The following TYW1 variants were observed in gnomAD, a reference collection of about 807,000 sequenced individuals.
The protein encoded by TYW1 is tRNA-yW synthesizing protein 1 homolog, also known as S-adenosyl-L-methionine-dependent tRNA 4-demethylwyosine synthase TYW1.
In TYW1, 46 loss-of-function variants were observed where a neutral mutation model predicts 96.2. The ratio of observed to expected loss-of-function variants is 0.48; its 90% CI spans 0.38 to 0.61. TYW1 has a LOEUF of 0.61. Among genes scored for constraint, TYW1 ranks in the 20% least tolerant of loss-of-function variants. The pLI is 0.00. For missense variants in TYW1, 684 were observed against 909.6 expected (o/e 0.75, Z 3.19); for synonymous variants, 274 against 323.0 (o/e 0.85, Z 1.63).
Position 67,062,366 on chromosome 7 carries a change from A to G in TYW1, c.1156-4919A>G, listed in dbSNP as rs371222260. 1.5e-3 allele frequency among the ~76,000 whole-genome samples: 231 copies of G among 151,982 alleles called. 5 individuals carry two copies. In the South Asian group the frequency reaches 0.025, roughly 16 times the overall value. On this transcript the variant is annotated intron_variant, in intron 9 of 15. Coordinates refer to ENST00000359626, the MANE Select transcript of TYW1 (RefSeq NM_018264.4). ...GGAGGTTGCAGTGAGCCAAGATTGC[A>G]CCACTGCACTCCAGTCTGGGCAACA...
chr7:67,020,104 G>A (rs2129244137), intron 6 of TYW1, among the ~76,000 whole-genome samples: 1 of 152,412 alleles, frequency 6.6e-6, no homozygotes. Flanking sequence ...CAGCCAGTGT[G>A]GAGGCTCATG....
chr7:67,146,136 A>C (rs1039167138), intron 13 of TYW1, among the ~76,000 whole-genome samples: 53 of 152,208 alleles, frequency 3.5e-4, no homozygotes, highest in African/African-American at 1.1e-3. Context: ...CATAGTTATA[A>C]TCATACTATG....
At chr7:67,114,178 A>G (rs1415692473) in intron 12 of TYW1, 1 of 152,654 alleles carries the variant, frequency 6.6e-6, no homozygotes, top group Non-Finnish European at 1.5e-5. Context: ...GCTTGATCTG[A>G]CAGCCTCAGA....
At chr7:67,229,183 A>T (rs1300620149) in intron 15 of TYW1, among the ~76,000 whole-genome samples, 2 of 152,212 alleles carry the variant, frequency 1.3e-5, no homozygotes, top group African/African-American at 4.8e-5. Context: ...AACAGATAGT[A>T]GGCTTTTCAG....
intron 13 of TYW1, among the ~76,000 whole-genome samples, chr7:67,137,483 A>G (rs1308797744): frequency 6.6e-6 from 1 of 152,168 alleles, no homozygotes; most frequent in East Asian, 1.9e-4. Flanking sequence ...AAGAGAAAAA[A>G]GGAAAATTTG....
intron 13 of TYW1, among the ~76,000 whole-genome samples, chr7:67,122,585 G>A (rs1797791610): frequency 6.6e-6 from 1 of 152,196 alleles, no homozygotes; most frequent in African/African-American, 2.4e-5. Flanking sequence ...TCCACTGGGG[G>A]AGGGCATGCT....
chr7:67,239,337 G>A lies in TYW1; in HGVS notation c.*808G>A, dbSNP rs990886601. On this transcript the variant is annotated 3_prime_UTR_variant, in exon 16 of 16. Transcript: ENST00000359626. ...GCCTCTCATATCATGACCAGACGGC[G>A]GGTCTCCATCTTCTTTCACTCCTGT... The A allele has an allele frequency of 5.1e-6, 5 of 985,338 alleles. No homozygotes were observed. Among genetic ancestry groups the A allele is most frequent in the South Asian group, 4.7e-5 (1 of 21,280 alleles). The allele number at this position is 985,338 out of a possible 1,614,324, so 61.0% of individuals were successfully genotyped here.
In TYW1 at chr7:67,072,963, T is replaced by TTTTTTTTTTG. The variant is rs1219374462; in HGVS notation, c.1274+5561_1274+5562insTTTTTTTTGT. On this transcript the variant is annotated intron_variant, in intron 10 of 15. Transcript: ENST00000359626. ...TTTTTTTTTTTTTTTTTTTTTTTTT[T>TTTTTTTTTTG]TATAGAGACAGGGTCTTGCTATGTT... Among the ~76,000 whole-genome samples the TTTTTTTTTTG allele has an allele frequency of 1.0e-3, 124 of 118,684 alleles. 8 individuals carry two copies. The highest frequency in any genetic ancestry group is 3.9e-3 in the African/African-American group (112 of 29,022). The allele number at this position is 118,684 out of a possible 152,430, so 77.9% of individuals were successfully genotyped here.
intron 9 of TYW1, among the ~76,000 whole-genome samples, chr7:67,059,096 GTTT>G (rs557933957): frequency 5.6e-5 from 7 of 124,590 alleles, no homozygotes; most frequent in Admixed American, 8.5e-5. Flanking sequence ...TGAAGACAAA[GTTT>G]TTTTTTTTTT....
At chr7:67,151,745 C>T (rs185008482) in intron 13 of TYW1, among the ~76,000 whole-genome samples, 197 of 152,080 alleles carry the variant, frequency 1.3e-3, no homozygotes, top group African/African-American at 4.4e-3. Context: ...CCAAATCTGG[C>T]GTGACTTGTT....
chr7:67,063,821 C>A (rs1795775087), intron 9 of TYW1, among the ~76,000 whole-genome samples: 1 of 151,804 alleles, frequency 6.6e-6, no homozygotes, highest in African/African-American at 2.4e-5. Flanking sequence ...CCAGGATGGT[C>A]TTGATCTCCT....
chr7:67,235,183 C>A (rs559744435), intron 15 of TYW1, among the ~76,000 whole-genome samples: 1 of 152,248 alleles, frequency 6.6e-6, no homozygotes, highest in African/African-American at 2.4e-5. Flanking sequence ...ACACTGGGAT[C>A]CCCAAAGAGA....
intron 15 of TYW1, among the ~76,000 whole-genome samples, chr7:67,196,018 A>C (rs1174820792): frequency 6.6e-6 from 1 of 151,888 alleles, no homozygotes; most frequent in Non-Finnish European, 1.5e-5. Context: ...CTCCAATTAA[A>C]CATATGTTAG....
chr7:67,209,904 A>G (rs904958989), intron 15 of TYW1, among the ~76,000 whole-genome samples: 1 of 151,852 alleles, frequency 6.6e-6, no homozygotes, highest in African/African-American at 2.4e-5. Context: ...TTTATGTTTT[A>G]CAGAAGTTTT....
intron 13 of TYW1, among the ~76,000 whole-genome samples, chr7:67,135,509 G>T (rs1798223169): frequency 6.6e-6 from 1 of 151,386 alleles, no homozygotes; most frequent in South Asian, 2.1e-4. Flanking sequence ...TCCCCATATT[G>T]GCCAGGCTGG....
At chr7:66,997,017 G>T (rs1793189222) in intron 1 of TYW1, 35 bp downstream of exon 1, 5 of 1,613,530 alleles carry the variant, frequency 3.1e-6, no homozygotes, top group South Asian at 1.1e-5. Flanking sequence ...CCCTGGGGCG[G>T]CAGGGGAGGT....
At chr7:67,042,851 G>A (rs1318913573) in intron 7 of TYW1, among the ~76,000 whole-genome samples, 2 of 151,946 alleles carry the variant, frequency 1.3e-5, no homozygotes. Flanking sequence ...ACAAAAGTTA[G>A]TGGGATGTGG....
At chr7:67,161,032 G>A (rs910446294) in intron 13 of TYW1, among the ~76,000 whole-genome samples, 2 of 152,148 alleles carry the variant, frequency 1.3e-5, no homozygotes, top group African/African-American at 4.8e-5. Context: ...TCATAATTAA[G>A]TTTCCATGTA....
intron 13 of TYW1, among the ~76,000 whole-genome samples, chr7:67,142,919 G>T (rs1021834742): frequency 2.6e-5 from 4 of 152,042 alleles, no homozygotes; most frequent in Non-Finnish European, 5.9e-5. Flanking sequence ...CGGGCGTGGT[G>T]GCAGGCGCCT....
Sources: gnomAD v4.1 joint callset for allele counts (sites outside exome capture counted in the v4.1 genomes callset) on GRCh38, gnomAD v4.1.1 for gene constraint, MANE v1.5 for transcripts, NCBI Gene and HGNC (gene_info 2026-07-23, HGNC 2026-07-21) for gene names.